Variants in WDR7 observed in about 807,000 individuals in gnomAD.
WDR7 encodes the protein WD repeat domain 7.
WDR7 carries 46 observed loss-of-function variants against 169.4 expected under a neutral mutation model. That is an observed-to-expected ratio of 0.27 (90% CI 0.21 to 0.35). WDR7 has a LOEUF of 0.35. Among genes scored for constraint, WDR7 ranks in the 10% least tolerant of loss-of-function variants. WDR7 has a pLI of 1.00. For synonymous variants in WDR7, 612 were observed against 666.8 expected (o/e 0.92, Z 1.27); for missense variants, 1,534 against 1,859.3 (o/e 0.83, Z 3.22).
intron 21 of WDR7, among the ~76,000 whole-genome samples, chr18:56,922,648 G>A (rs910014450): frequency 1.3e-5 from 2 of 152,120 alleles, no homozygotes; most frequent in South Asian, 2.1e-4. Context: ...GGGTATGACT[G>A]TGTGTGTAGT....
chr18:56,797,604 G>A (rs906800826), intron 19 of WDR7, among the ~76,000 whole-genome samples: 1 of 151,932 alleles, frequency 6.6e-6, no homozygotes, highest in African/African-American at 2.4e-5. Context: ...TGAACACAAA[G>A]TTCATTAAGA....
intron 26 of WDR7, among the ~76,000 whole-genome samples, chr18:56,974,361 G>GTTTT (rs2047535161): frequency 2.5e-5 from 3 of 121,336 alleles, no homozygotes; most frequent in African/African-American, 1.1e-4. Flanking sequence ...TGCTTTTCTT[G>GTTTT]CTTTTTTTTT....
chr18:56,951,888 CTA>C (rs1259684504), intron 25 of WDR7, among the ~76,000 whole-genome samples: 9 of 152,070 alleles, frequency 5.9e-5, no homozygotes, highest in African/African-American at 2.2e-4. Flanking sequence ...TGAGTTATAA[CTA>C]TCAATATTTG....
chr18:56,665,069 G>A (rs950505998), intron 1 of WDR7, among the ~76,000 whole-genome samples: 6 of 151,862 alleles, frequency 4.0e-5, no homozygotes, highest in African/African-American at 1.4e-4. Context: ...GAGGCGGGTG[G>A]ATCACCTGAG....
chr18:56,971,281 C>CAA lies in WDR7; in HGVS notation c.4164+8768_4164+8769dup, dbSNP rs35114589. ...GCGACAAGAGCGAAATTCTGTCTCCCAAAAAAAAAAAAAAAAAGGAACACC... is the reference window on the plus strand; with the variant it reads ...GCGACAAGAGCGAAATTCTGTCTCCCAAAAAAAAAAAAAAAAAAAGGAACACC... On this transcript the variant is annotated intron_variant, in intron 26 of 27. Transcript: ENST00000254442. Among the ~76,000 whole-genome samples the CAA allele has an allele frequency of 7.9e-3, 817 of 102,986 alleles. 4 individuals carry two copies. The highest frequency in any genetic ancestry group is 0.027 in the African/African-American group (770 of 28,884). The allele number at this position is 102,986 out of a possible 152,430, so 67.6% of individuals were successfully genotyped here.
At chr18:56,871,726 G>A (rs1568240763) in intron 20 of WDR7, among the ~76,000 whole-genome samples, 2 of 151,846 alleles carry the variant, frequency 1.3e-5, no homozygotes, top group Non-Finnish European at 2.9e-5. Context: ...ACTCCATCTT[G>A]TGCCAGAAAT....
intron 26 of WDR7, among the ~76,000 whole-genome samples, chr18:56,990,732 T>TAC (rs1779537044): frequency 6.6e-6 from 1 of 152,244 alleles, no homozygotes. Context: ...TACTTATATA[T>TAC]ACCATAGTTA....
chr18:56,754,283 GTGTATA>G (rs1316833370), intron 14 of WDR7, among the ~76,000 whole-genome samples: 3 of 135,300 alleles, frequency 2.2e-5, no homozygotes, highest in African/African-American at 5.8e-5. Flanking sequence ...GTGTGTGTGT[GTGTATA>G]TGTGTGTGTG....
At chr18:56,698,937 C>T (rs1395709769) in intron 12 of WDR7, among the ~76,000 whole-genome samples, 2 of 151,982 alleles carry the variant, frequency 1.3e-5, no homozygotes, top group East Asian at 3.9e-4. Context: ...GGGCTTAATA[C>T]TTGGGTGATG....
intron 21 of WDR7, among the ~76,000 whole-genome samples, chr18:56,920,768 T>C (rs1220227055): frequency 1.3e-5 from 2 of 152,222 alleles, no homozygotes; most frequent in Non-Finnish European, 2.9e-5. Flanking sequence ...TTTTATTCAA[T>C]ACCAACTGTT....
intron 7 of WDR7, among the ~76,000 whole-genome samples, chr18:56,688,702 C>G (rs190451457): frequency 6.6e-6 from 1 of 151,940 alleles, no homozygotes; most frequent in East Asian, 2.0e-4. Flanking sequence ...GCACTCCAGC[C>G]TGGCTGACAG....
chr18:56,656,599 A>T (rs760126348), intron 1 of WDR7, among the ~76,000 whole-genome samples: 81 of 131,854 alleles, frequency 6.1e-4, no homozygotes, highest in Middle Eastern at 3.8e-3. Flanking sequence ...TTTTTTTTTA[A>T]CTGTTCTGAT....
chr18:56,971,166 G>A (rs1285462620), intron 26 of WDR7, among the ~76,000 whole-genome samples: 1 of 151,890 alleles, frequency 6.6e-6, no homozygotes, highest in Non-Finnish European at 1.5e-5. Flanking sequence ...CAGCTACTCA[G>A]GAGGCTGAGG....
intron 26 of WDR7, among the ~76,000 whole-genome samples, chr18:56,965,292 T>C (rs2047392805): frequency 1.3e-5 from 2 of 152,056 alleles, no homozygotes; most frequent in African/African-American, 4.8e-5. Context: ...ATCCTGAGGC[T>C]GAGAAGAGGC....
chr18:56,766,654 G>A (rs1281599504), intron 16 of WDR7, among the ~76,000 whole-genome samples: 1 of 152,122 alleles, frequency 6.6e-6, no homozygotes, highest in Non-Finnish European at 1.5e-5. Flanking sequence ...CCCCCTCAAA[G>A]TGCTGGGATT....
chr18:56,722,624 C>T (rs2026346824), intron 13 of WDR7, among the ~76,000 whole-genome samples: 1 of 152,080 alleles, frequency 6.6e-6, no homozygotes, highest in African/African-American at 2.4e-5. Flanking sequence ...TCTTTTTTCT[C>T]TTTTAATGAT....
At chr18:56,829,734 G>T (rs1299466356) in intron 20 of WDR7, among the ~76,000 whole-genome samples, 1 of 152,172 alleles carries the variant, frequency 6.6e-6, no homozygotes, top group Non-Finnish European at 1.5e-5. Flanking sequence ...CCTTAATTAT[G>T]ATGTAATTTT....
At chr18:56,651,685 G>T (rs1472008709) in intron 1 of WDR7, 109 bp downstream of exon 1, 1 of 152,458 alleles carries the variant, frequency 6.6e-6, no homozygotes, top group Non-Finnish European at 1.5e-5. Flanking sequence ...CTAGCCGGGG[G>T]CGGTGCTAGC....
At chr18:56,761,691 T>C (rs1469259431) in intron 16 of WDR7, among the ~76,000 whole-genome samples, 1 of 151,740 alleles carries the variant, frequency 6.6e-6, no homozygotes, top group Non-Finnish European at 1.5e-5. Context: ...GTGTAGAGGT[T>C]TTATATATAT....
Sources: allele counts gnomAD v4.1 joint callset (sites outside exome capture counted in the v4.1 genomes callset), GRCh38; gene constraint gnomAD v4.1.1; transcripts MANE v1.5; gene names NCBI Gene and HGNC (gene_info 2026-07-23, HGNC 2026-07-21).